Variants in ALK observed in about 807,000 individuals in gnomAD.
The protein encoded by ALK is ALK tyrosine kinase receptor.
ALK carries 74 observed loss-of-function variants against 163.1 expected under a neutral mutation model. The observed-to-expected ratio is 0.45, with a 90% confidence interval of 0.38 to 0.55. The LOEUF is 0.55. Ranked by LOEUF, ALK falls within the 20% of genes least tolerant of loss-of-function variation. The pLI is 0.00. For missense variants in ALK, 2,063 were observed against 2,105.3 expected (o/e 0.98, Z 0.39); for synonymous variants, 960 against 843.2 (o/e 1.14, Z -2.40).
intron 1 of ALK, among the ~76,000 whole-genome samples, chr2:29,880,046 T>C (rs1666815599): frequency 6.6e-6 from 1 of 152,188 alleles, no homozygotes; most frequent in Non-Finnish European, 1.5e-5. Context: ...TACTACAGAT[T>C]TCCTCTTCAT....
intron 11 of ALK, among the ~76,000 whole-genome samples, chr2:29,269,434 G>T (rs754877393): frequency 1.3e-5 from 2 of 152,142 alleles, no homozygotes; most frequent in Non-Finnish European, 2.9e-5. Flanking sequence ...ACTCATTAGC[G>T]TTGGTAATGG....
chr2:29,265,472 T>A (rs1395373701), intron 11 of ALK, among the ~76,000 whole-genome samples: 1 of 152,160 alleles, frequency 6.6e-6, no homozygotes, highest in Admixed American at 6.5e-5. Flanking sequence ...AAAGAAATAG[T>A]CCTCTTTTCC....
chr2:29,714,036 G>A (rs1051606307), intron 2 of ALK, among the ~76,000 whole-genome samples: 19 of 151,826 alleles, frequency 1.3e-4, no homozygotes, highest in African/African-American at 3.9e-4. Context: ...CAAAACCCCC[G>A]GTGGCCTCAA....
chr2:29,652,552 C>A (rs7600906), intron 3 of ALK, among the ~76,000 whole-genome samples: 90,065 of 152,012 alleles, frequency 0.59, 28,411 homozygotes, highest in East Asian at 0.74. Context: ...TGATGACTGG[C>A]AGCCCCTAGG....
intron 3 of ALK, among the ~76,000 whole-genome samples, chr2:29,619,005 A>T (rs868548712): frequency 0.025 from 3,865 of 152,232 alleles, 93 homozygotes; most frequent in South Asian, 0.056. Flanking sequence ...ATAAATAAAA[A>T]AAAAAAACAC....
At chr2:29,266,753 T>C (rs1665232225) in intron 11 of ALK, among the ~76,000 whole-genome samples, 1 of 152,216 alleles carries the variant, frequency 6.6e-6, no homozygotes, top group African/African-American at 2.4e-5. Context: ...TGCCTGGCAC[T>C]CAGTAGGTGC....
chr2:29,600,369 A>T (rs900296306), intron 3 of ALK, among the ~76,000 whole-genome samples: 3 of 152,358 alleles, frequency 2.0e-5, no homozygotes, highest in Admixed American at 6.5e-5. Flanking sequence ...GGACGTAATA[A>T]CATCCATGGA....
intron 1 of ALK, among the ~76,000 whole-genome samples, chr2:29,906,745 C>A (rs544518626): frequency 1.3e-5 from 2 of 152,088 alleles, no homozygotes; most frequent in Non-Finnish European, 2.9e-5. Context: ...CATAAAACTA[C>A]CACATTATAG....
intron 3 of ALK, among the ~76,000 whole-genome samples, chr2:29,612,445 A>G (rs1348771335): frequency 6.6e-6 from 1 of 152,174 alleles, no homozygotes; most frequent in Non-Finnish European, 1.5e-5. Context: ...CATGCTGAAG[A>G]TAAATGTAGA....
intron 5 of ALK, among the ~76,000 whole-genome samples, chr2:29,357,525 C>G (rs759847653): frequency 6.6e-6 from 1 of 152,222 alleles, no homozygotes; most frequent in Non-Finnish European, 1.5e-5. Context: ...TCATGGCAAA[C>G]TTTCACGGCA....
chr2:29,529,409 C>T (rs1336989398), intron 4 of ALK, among the ~76,000 whole-genome samples: 2 of 152,376 alleles, frequency 1.3e-5, no homozygotes, highest in African/African-American at 2.4e-5. Flanking sequence ...GTCCCCCTCG[C>T]TGCTCTGAGC....
intron 1 of ALK, among the ~76,000 whole-genome samples, chr2:29,902,763 A>C (rs189373138): frequency 2.7e-5 from 4 of 150,844 alleles, no homozygotes; most frequent in Admixed American, 6.6e-5. Context: ...TCCAAACCCT[A>C]CTCCTCCAAA....
chr2:29,488,552 T>G (rs1046804799), intron 4 of ALK, among the ~76,000 whole-genome samples: 1 of 152,216 alleles, frequency 6.6e-6, no homozygotes, highest in Non-Finnish European at 1.5e-5. Context: ...CAGATAGCTT[T>G]CATGGTCATA....
intron 2 of ALK, among the ~76,000 whole-genome samples, chr2:29,717,019 A>T (rs1423595726): frequency 6.8e-6 from 1 of 146,846 alleles, no homozygotes; most frequent in African/African-American, 2.5e-5. Context: ...AAAAAAAAAA[A>T]AAATTAGCCA....
intron 4 of ALK, among the ~76,000 whole-genome samples, chr2:29,417,982 T>C (rs1303603597): frequency 2.0e-5 from 3 of 152,222 alleles, no homozygotes; most frequent in Non-Finnish European, 4.4e-5. Flanking sequence ...TTTGTGAAAA[T>C]TGACATAAGA....
In ALK at chr2:29,659,066, A is replaced by G. The variant is rs143221021; in HGVS notation, c.952+35784T>C. 7.0e-3 allele frequency among the ~76,000 whole-genome samples: 1,071 copies of G among 152,158 alleles called. 12 individuals are homozygous for G. The highest frequency in any genetic ancestry group is 0.046 in the South Asian group (223 of 4,816). On this transcript the variant is annotated intron_variant, in intron 3 of 28. Coordinates refer to ENST00000389048, the MANE Select transcript of ALK (RefSeq NM_004304.5). The stretch of plus-strand genomic sequence containing the variant: ...CTCCCCTCCCCTTAAAGAGATGATG[A>G]TGTTAAAGTCCTAGATTTAATGCTT...
chr2:29,364,093 T>C (rs984159081), intron 5 of ALK, among the ~76,000 whole-genome samples: 1 of 152,192 alleles, frequency 6.6e-6, no homozygotes, highest in Non-Finnish European at 1.5e-5. Context: ...AATATTACTG[T>C]ACTAATATTC....
At chr2:29,754,817 A>G (rs1254951627) in intron 1 of ALK, among the ~76,000 whole-genome samples, 1 of 152,188 alleles carries the variant, frequency 6.6e-6, no homozygotes, top group Non-Finnish European at 1.5e-5. Context: ...CACTAATATT[A>G]TTTCTCAGAA....
At chr2:29,460,385 T>C (rs995850484) in intron 4 of ALK, among the ~76,000 whole-genome samples, 7 of 152,142 alleles carry the variant, frequency 4.6e-5, no homozygotes, top group African/African-American at 1.7e-4. Context: ...CATATACACA[T>C]GCAGGCACGC....
Sources: allele counts gnomAD v4.1 joint callset (sites outside exome capture counted in the v4.1 genomes callset), GRCh38; gene constraint gnomAD v4.1.1; transcripts MANE v1.5; gene names NCBI Gene and HGNC (gene_info 2026-07-23, HGNC 2026-07-21).